The following TACC2 variants were observed in gnomAD, a reference collection of about 807,000 sequenced individuals.
The protein encoded by TACC2 is transforming acidic coiled-coil containing protein 2, also known as transforming acidic coiled-coil-containing protein 2.
Under a neutral mutation model 227.3 loss-of-function variants are expected in TACC2, and 137 were observed. That is an observed-to-expected ratio of 0.60 (90% confidence interval 0.52 to 0.69). TACC2 has a LOEUF of 0.69. TACC2 is among the 30% of genes least tolerant of loss of function. The pLI is 0.00. For missense variants in TACC2, 3,470 were observed against 3,694.4 expected (o/e 0.94, Z 1.57); for synonymous variants, 1,523 against 1,487.5 (o/e 1.02, Z -0.55).
At position 122,132,668 on chromosome 10, in the gene TACC2, C is replaced by T. The variant is rs759153407; in HGVS notation, c.5633C>T (p.Thr1878Ile). 5 of 1,614,212 alleles carry T rather than the reference C, an allele frequency of 3.1e-6. No individual in the cohort carries two copies. The highest frequency in any genetic ancestry group is 1.1e-5 in the South Asian group (1 of 91,086). The part of the protein sequence containing the change: ...PAAPADLESP[T>I]LAASSYHGDV... ...GCCCCCGCAGACCTGGAAAGCCCAACCTTAGCTGCCTCTTCCTACCACGGT... is the reference window on the plus strand; with the variant it reads ...GCCCCCGCAGACCTGGAAAGCCCAATCTTAGCTGCCTCTTCCTACCACGGT... The change falls in exon 6 of 23, where the codon ACC (threonine) becomes ATC (isoleucine). Residue 1878 changes from threonine to isoleucine, a missense_variant. Transcript: ENST00000369005.
intron 8 of TACC2, among the ~76,000 whole-genome samples, chr10:122,195,776 G>A (rs1257925816): frequency 1.3e-5 from 2 of 152,098 alleles, no homozygotes; most frequent in Non-Finnish European, 2.9e-5. Flanking sequence ...TGCATTCTGC[G>A]CCTCCCAGTT....
chr10:122,201,670 T>C (rs554598757), intron 8 of TACC2, among the ~76,000 whole-genome samples: 1 of 152,348 alleles, frequency 6.6e-6, no homozygotes, highest in South Asian at 2.1e-4. Flanking sequence ...CAGTGGGCCA[T>C]GGATGGATCC....
At position 122,087,917 on chromosome 10, in the gene TACC2, C is replaced by T. The variant is rs763376130; in HGVS notation, c.5417C>T (p.Pro1806Leu). The T allele has an allele frequency of 1.4e-5, 21 of 1,511,854 alleles. No individual in the cohort carries two copies. Among genetic ancestry groups the T allele is most frequent in the East Asian group, 4.6e-5 (2 of 43,872 alleles). 93.7% of individuals were successfully genotyped at this position (1,511,854 alleles called of 1,614,324 possible). Residue 1806 changes from proline (P) to leucine (L), a missense_variant, in exon 4 of 23, where the codon CCG (proline) becomes CTG (leucine). By Grantham distance (98) the Pro-to-Leu change is moderately conservative. Around this residue, in one of 10 missense-constraint regions of TACC2, gnomAD observed 1,924 missense variants for 1,978.3 expected, o/e 0.97. Transcript: ENST00000369005. The part of the protein sequence containing the change: ...SPPEPDETHD[P>L]KLQHLAPEEL... ...CCAGAGCCTGACGAAACTCACGACC[C>T]GAAGCTGCAACATTTGGCTCCAGAA...
intron 18 of TACC2, among the ~76,000 whole-genome samples, chr10:122,238,633 T>C (rs916065267): frequency 2.0e-5 from 3 of 152,054 alleles, no homozygotes; most frequent in Non-Finnish European, 4.4e-5. Context: ...GTATTTTTAG[T>C]AGAGTCAGGG....
At chr10:122,203,370 A>AC (rs1229633556) in intron 8 of TACC2, among the ~76,000 whole-genome samples, 25 of 133,490 alleles carry the variant, frequency 1.9e-4, no homozygotes, top group African/African-American at 5.5e-4. Context: ...CAGGGGGCTG[A>AC]CCCCCCCACC....
intron 1 of TACC2, among the ~76,000 whole-genome samples, chr10:122,000,055 A>T (rs1459112617): frequency 6.6e-6 from 1 of 152,186 alleles, no homozygotes; most frequent in Non-Finnish European, 1.5e-5. Context: ...TGTTGGAGAC[A>T]CCAGGTCTCA....
At chr10:122,044,341 TGG>T (rs1488741473) in intron 2 of TACC2, among the ~76,000 whole-genome samples, 2 of 152,238 alleles carry the variant, frequency 1.3e-5, no homozygotes, top group African/African-American at 2.4e-5. Context: ...ACATTTGGGA[TGG>T]TCTAGCAGAA....
chr10:122,123,252 A>AC (rs1371346099), intron 5 of TACC2, among the ~76,000 whole-genome samples: 2 of 152,034 alleles, frequency 1.3e-5, no homozygotes, highest in African/African-American at 4.8e-5. Context: ...TGATTCACCC[A>AC]CCTCGGCCTC....
At chr10:122,027,226 C>G in intron 2 of TACC2, among the ~76,000 whole-genome samples, 1 of 152,294 alleles carries the variant, frequency 6.6e-6, no homozygotes, top group African/African-American at 2.4e-5. Context: ...AACATCTTTT[C>G]ATACACTTAT....
intron 7 of TACC2, among the ~76,000 whole-genome samples, chr10:122,166,995 G>A (rs936323733): frequency 1.3e-5 from 2 of 152,236 alleles, no homozygotes; most frequent in Non-Finnish European, 2.9e-5. Flanking sequence ...GCAGCCCCAT[G>A]TGGTGTGGCT....
intron 22 of TACC2, 21 bp from the exon 23 acceptor site, chr10:122,253,970 C>G (rs755703675): frequency 1.9e-5 from 30 of 1,611,552 alleles, no homozygotes; most frequent in Non-Finnish European, 2.5e-5. Context: ...TCAGCAACTT[C>G]TTCCTTGTCT....
rs777282532 is a variant in TACC2 at position 122,254,103 on chromosome 10, G to A, written c.*47G>A. Reference sequence around the variant, plus strand: ...CTTAACTGTTGCGTGCAATATGACCGTCGGCACACTGCTGTTCCTCCAGTT... The same window carrying A: ...CTTAACTGTTGCGTGCAATATGACCATCGGCACACTGCTGTTCCTCCAGTT... On this transcript the variant is annotated 3_prime_UTR_variant, in exon 23 of 23. Coordinates refer to ENST00000369005, the MANE Select transcript of TACC2 (RefSeq NM_206862.4). 4.7e-6 allele frequency: 7 copies of A among 1,476,342 alleles called. No homozygotes were observed. The highest frequency in any genetic ancestry group is 1.7e-5 in the Admixed American group (1 of 59,848). The allele number at this position is 1,476,342 out of a possible 1,614,324, so 91.5% of individuals were successfully genotyped here. A position where few individuals can be genotyped will look rare whatever the true frequency, so the allele number is the denominator to read the frequency against.
chr10:122,213,821 T>C lies in TACC2; in HGVS notation c.7284-1570T>C, dbSNP rs561574386. On this transcript the variant is annotated intron_variant, in intron 9 of 22. Transcript: ENST00000369005. ...CGGCCACAGCTTATTCTTGCTAACA[T>C]GTAAAGCAGAAATATTTGGGCCGTT... 8.5e-5 allele frequency among the ~76,000 whole-genome samples: 13 copies of C among 152,360 alleles called. No individual in the cohort carries two copies. The South Asian group carries it at 2.5e-3, about 29-fold the overall frequency.
At chr10:122,033,615 G>A (rs1318803667) in intron 2 of TACC2, among the ~76,000 whole-genome samples, 2 of 152,218 alleles carry the variant, frequency 1.3e-5, no homozygotes, top group East Asian at 3.8e-4. Flanking sequence ...ATGCAACAAT[G>A]TGCTAGCTGA....
chr10:122,249,493 T>A (rs765685976), intron 21 of TACC2, 51 bp from the exon 22 acceptor site: 15 of 1,593,786 alleles, frequency 9.4e-6, no homozygotes, highest in Non-Finnish European at 1.3e-5. Context: ...GCAGGAGGTG[T>A]CTCTAGTGAT....
intron 7 of TACC2, among the ~76,000 whole-genome samples, chr10:122,174,388 G>A (rs1055894231): frequency 2.6e-5 from 4 of 152,200 alleles, no homozygotes; most frequent in Admixed American, 1.3e-4. Context: ...AGGTTTCTGG[G>A]CACATGACAG....
At chr10:122,043,496 TTTC>T (rs1343213198) in intron 2 of TACC2, among the ~76,000 whole-genome samples, 2 of 150,758 alleles carry the variant, frequency 1.3e-5, no homozygotes, top group Non-Finnish European at 2.9e-5. Flanking sequence ...TTTTTCTTTC[TTTC>T]TTTTTCTCTT....
At chr10:122,043,033 G>A (rs1383557179) in intron 2 of TACC2, among the ~76,000 whole-genome samples, 1 of 152,202 alleles carries the variant, frequency 6.6e-6, no homozygotes, top group African/African-American at 2.4e-5. Flanking sequence ...ATCACCCACT[G>A]AGGTAGGGAA....
At position 122,083,850 on chromosome 10, in the gene TACC2, G is replaced by T. The variant is rs2079808139; in HGVS notation, c.1350G>T (p.Met450Ile). 4 of 1,614,056 alleles carry T rather than the reference G, an allele frequency of 2.5e-6. No homozygotes were observed. The highest frequency in any genetic ancestry group is 3.4e-6 in the Non-Finnish European group (4 of 1,180,038). Reference protein sequence around the residue: ...SSRESVSKAGMPVSADAAKEV... With the variant: ...SSRESVSKAGIPVSADAAKEV... ...GGGAATCAGTTTCCAAGGCTGGGAT[G>T]CCAGTTTCTGCAGATGCAGCCAAAG... The change falls in exon 4 of 23, where the codon ATG becomes ATT. Residue 450 changes from methionine to isoleucine, a missense_variant. This residue lies in a region of TACC2 where 1,924 missense variants were observed against 1,978.3 expected (regional missense o/e 0.97). Coordinates refer to ENST00000369005, the MANE Select transcript of TACC2 (RefSeq NM_206862.4).
Sources: allele counts gnomAD v4.1 joint callset (sites outside exome capture counted in the v4.1 genomes callset), GRCh38; gene constraint gnomAD v4.1.1; regional missense constraint gnomAD v4.1.1; transcripts MANE v1.5; gene names NCBI Gene and HGNC (gene_info 2026-07-23, HGNC 2026-07-21).